The following HYDIN variants were observed in gnomAD, a reference collection of about 807,000 sequenced individuals.
The protein encoded by HYDIN is axonemal central pair apparatus protein HYDIN.
A neutral mutation model predicts 403.9 loss-of-function variants in HYDIN; 132 were observed. The observed-to-expected ratio is 0.33, with a 90% CI of 0.28 to 0.38. The LOEUF is 0.38. Ranked by LOEUF, HYDIN falls within the 10% of genes least tolerant of loss-of-function variation. HYDIN has a pLI of 1.00. For missense variants in HYDIN, 2,827 were observed against 5,009.5 expected, an observed-to-expected ratio of 0.56 and a Z score of 13.15; for synonymous variants, 1,202 against 1,891.7, an observed-to-expected ratio of 0.64 and a Z score of 9.46.
chr16:71,175,585 T>G (rs940778125), intron 5 of HYDIN, 22 bp downstream of exon 5: 16 of 1,611,570 alleles, frequency 9.9e-6, no homozygotes, highest in Non-Finnish European at 1.4e-5. Context: ...AGTGTCCAAT[T>G]TCTTGCCATT....
chr16:70,904,318 T>C (rs2076468410), intron 50 of HYDIN, among the ~76,000 whole-genome samples: 1 of 108,532 alleles, frequency 9.2e-6, no homozygotes, highest in Non-Finnish European at 2.0e-5. Flanking sequence ...TTAGGACTGC[T>C]GAGTAGGAAG....
rs751267820 is a variant in HYDIN at position 70,863,183 on chromosome 16, C to A, written c.11472-1G>T. On this transcript the variant is annotated splice_acceptor_variant, in intron 67 of 85. Coordinates refer to ENST00000393567, the MANE Select transcript of HYDIN (RefSeq NM_001270974.2). LOFTEE classifies it high-confidence loss of function. ...ACGTCCTGAATTAATCACATCGAAC[C>A]TGCAAATCGATCAGGGAGCAGATTT... is the stretch of plus-strand genomic sequence containing the variant. 2 of 1,612,778 alleles carry A rather than the reference C, an allele frequency of 1.2e-6. No homozygotes were observed. The highest frequency in any genetic ancestry group is 1.7e-6 in the Non-Finnish European group (2 of 1,179,488).
chr16:71,198,998 T>C (rs190495460), intron 1 of HYDIN, among the ~76,000 whole-genome samples: 6 of 152,334 alleles, frequency 3.9e-5, no homozygotes, highest in East Asian at 1.9e-4. Context: ...GCACTTGTTA[T>C]TGACAATCTT....
chr16:70,892,783 T>G (rs2041550978), intron 55 of HYDIN, among the ~76,000 whole-genome samples: 1 of 152,216 alleles, frequency 6.6e-6, no homozygotes, highest in Non-Finnish European at 1.5e-5. Flanking sequence ...GCAGGAGATC[T>G]CTGTCCAACA....
intron 47 of HYDIN, among the ~76,000 whole-genome samples, chr16:70,916,872 CCTCTGTTTTT>C (rs1567824214): frequency 6.6e-6 from 1 of 151,654 alleles, no homozygotes; most frequent in African/African-American, 2.4e-5. Context: ...TTGCTTCCTT[CCTCTGTTTTT>C]CTTTCTTTCT....
At chr16:70,879,056 C>G (rs1290211828) in intron 62 of HYDIN, among the ~76,000 whole-genome samples, 1 of 150,684 alleles carries the variant, frequency 6.6e-6, no homozygotes, top group Non-Finnish European at 1.5e-5. Flanking sequence ...CAGCTTGGTG[C>G]ACATCACTGC....
intron 13 of HYDIN, among the ~76,000 whole-genome samples, chr16:71,070,343 G>C (rs2082428437): frequency 7.2e-6 from 1 of 138,686 alleles, no homozygotes; most frequent in Admixed American, 7.6e-5. Flanking sequence ...TTTTGAGACA[G>C]AGTCTTGCTC....
At chr16:71,179,454 C>A (rs2086814243) in intron 3 of HYDIN, among the ~76,000 whole-genome samples, 1 of 152,000 alleles carries the variant, frequency 6.6e-6, no homozygotes, top group Non-Finnish European at 1.5e-5. Flanking sequence ...AAAATGTTGT[C>A]ACCAACTTCT....
At chr16:71,002,747 G>A (rs376794649) in intron 23 of HYDIN, among the ~76,000 whole-genome samples, 6 of 148,470 alleles carry the variant, frequency 4.0e-5, no homozygotes, top group Admixed American at 2.7e-4. Context: ...ACACAATCTC[G>A]GCTCACTGCA....
chr16:70,859,225 C>T (rs1056208219), intron 71 of HYDIN, among the ~76,000 whole-genome samples: 36 of 152,076 alleles, frequency 2.4e-4, no homozygotes, highest in Non-Finnish European at 4.6e-4. Context: ...AGCGTGAACC[C>T]AGGAGGCGGA....
intron 18 of HYDIN, among the ~76,000 whole-genome samples, chr16:71,039,092 T>C (rs2081197706): frequency 6.7e-6 from 1 of 149,690 alleles, no homozygotes; most frequent in South Asian, 2.1e-4. Context: ...CAATTTAAGG[T>C]CATAATCAGA....
At chr16:71,126,056 A>G (rs1293416785) in intron 9 of HYDIN, among the ~76,000 whole-genome samples, 2 of 151,892 alleles carry the variant, frequency 1.3e-5, no homozygotes, top group African/African-American at 2.4e-5. Flanking sequence ...TTGGAGAGTC[A>G]CCTTCTCTTG....
At chr16:70,947,695 T>C (rs1477618077) in intron 41 of HYDIN, among the ~76,000 whole-genome samples, 1 of 151,990 alleles carries the variant, frequency 6.6e-6, no homozygotes, top group Non-Finnish European at 1.5e-5. Context: ...ATGAGTGAAC[T>C]CCCATTCACA....
At chr16:71,176,751 G>A (rs73579050) in intron 4 of HYDIN, among the ~76,000 whole-genome samples, 34 of 152,356 alleles carry the variant, frequency 2.2e-4, no homozygotes, top group African/African-American at 7.7e-4. Flanking sequence ...AGATTAGTCT[G>A]ACTCTGGAGT....
At chr16:70,914,846 T>G (rs2076791571) in intron 47 of HYDIN, among the ~76,000 whole-genome samples, 1 of 97,324 alleles carries the variant, frequency 1.0e-5, no homozygotes, top group Non-Finnish European at 2.4e-5. Flanking sequence ...TATTCTTTCT[T>G]CTTTGTCTTT....
rs774162112 is a variant in HYDIN at position 71,175,590 on chromosome 16, G to C, written c.516+17C>G. ...TGCCAGTACAAGTGTCCAATTTCTT[G>C]CCATTCCTGGTATTACCTTGTTCTC... On this transcript the variant is annotated intron_variant, in intron 5 of 85. Transcript: ENST00000393567. 6.2e-7 allele frequency: 1 copy of C among 1,607,972 alleles called. No homozygotes were observed.
intron 14 of HYDIN, 29 bp from the exon 15 acceptor site, chr16:71,067,419 T>C (rs747370170): frequency 1.0e-5 from 15 of 1,490,838 alleles, no homozygotes; most frequent in African/African-American, 1.4e-5. Flanking sequence ...CAAGTTGGTC[T>C]TCGAAAAAGC....
intron 72 of HYDIN, among the ~76,000 whole-genome samples, chr16:70,855,740 C>T (rs1281987900): frequency 6.6e-6 from 1 of 152,296 alleles, no homozygotes; most frequent in Non-Finnish European, 1.5e-5. Context: ...TCACTATCAT[C>T]TTACGCTTTC....
chr16:70,978,184 T>A (rs1672799132), intron 30 of HYDIN, among the ~76,000 whole-genome samples: 1 of 145,038 alleles, frequency 6.9e-6, no homozygotes, highest in Non-Finnish European at 1.5e-5. Flanking sequence ...TCAGTCCCCC[T>A]CCTTACCCCG....
Sources: gnomAD v4.1 joint callset for allele counts (sites outside exome capture counted in the v4.1 genomes callset) on GRCh38, gnomAD v4.1.1 for gene constraint, MANE v1.5 for transcripts, NCBI Gene and HGNC (gene_info 2026-07-23, HGNC 2026-07-21) for gene names.